UBAC2: variants seen among roughly 807,000 people sequenced by gnomAD.
UBAC2 encodes the protein ubiquitin-associated domain-containing protein 2.
Under a neutral mutation model 44.0 loss-of-function variants are expected in UBAC2, and 26 were observed. That is an observed-to-expected ratio of 0.59 (90% CI 0.43 to 0.82). The LOEUF is 0.82. UBAC2 is among the 40% of genes least tolerant of loss of function. The pLI is 0.00. For missense variants in UBAC2, 329 were observed against 419.4 expected (o/e 0.78, Z 1.88); for synonymous variants, 155 against 154.3 (o/e 1.00, Z -0.04).
intron 2 of UBAC2, among the ~76,000 whole-genome samples, chr13:99,243,233 C>CTTTTTTTTTTTTTTT (rs773750160): frequency 2.1e-5 from 2 of 94,254 alleles, no homozygotes; most frequent in Admixed American, 2.2e-4. Context: ...TTGAGTAGCT[C>CTTTTTTTTTTTTTTT]TTTTTTTTTT....
chr13:99,291,055 C>T (rs563884643), intron 4 of UBAC2, among the ~76,000 whole-genome samples: 2 of 152,286 alleles, frequency 1.3e-5, no homozygotes, highest in Admixed American at 1.3e-4. Context: ...TGCTCCAAGT[C>T]AGGCCACAGG....
At chr13:99,360,883 C>T (rs912105933) in intron 7 of UBAC2, among the ~76,000 whole-genome samples, 9 of 152,154 alleles carry the variant, frequency 5.9e-5, no homozygotes, top group Non-Finnish European at 8.8e-5. Context: ...GGAGATGGGG[C>T]GCTCTTCGGG....
intron 7 of UBAC2, among the ~76,000 whole-genome samples, chr13:99,348,975 G>T (rs2045035702): frequency 6.6e-6 from 1 of 152,150 alleles, no homozygotes; most frequent in African/African-American, 2.4e-5. Flanking sequence ...AAAAGAAAAA[G>T]AAAAGAAAAG....
intron 7 of UBAC2, among the ~76,000 whole-genome samples, chr13:99,365,190 C>T (rs897402530): frequency 6.6e-6 from 1 of 151,944 alleles, no homozygotes; most frequent in African/African-American, 2.4e-5. Flanking sequence ...TTTATTTGTG[C>T]TCCTTCCTTT....
chr13:99,381,631 T>A (rs2045553403), intron 8 of UBAC2, among the ~76,000 whole-genome samples: 1 of 152,176 alleles, frequency 6.6e-6, no homozygotes, highest in Non-Finnish European at 1.5e-5. Context: ...GGTCCTTAAC[T>A]GGAGGGAACA....
chr13:99,384,202 TCTGA>T (rs1268745943), intron 8 of UBAC2, among the ~76,000 whole-genome samples: 10 of 152,114 alleles, frequency 6.6e-5, no homozygotes, highest in African/African-American at 2.2e-4. Context: ...AATTGGAAAC[TCTGA>T]CTAAGTCCTC....
chr13:99,221,787 A>G (rs562107944), intron 1 of UBAC2, among the ~76,000 whole-genome samples: 1 of 152,140 alleles, frequency 6.6e-6, no homozygotes, highest in Non-Finnish European at 1.5e-5. Flanking sequence ...GTGATCGCCT[A>G]CTTGACAGTG....
chr13:99,229,099 T>G (rs2043144655), intron 1 of UBAC2, among the ~76,000 whole-genome samples: 1 of 152,190 alleles, frequency 6.6e-6, no homozygotes, highest in African/African-American at 2.4e-5. Flanking sequence ...GGCTTTATGG[T>G]GGATGTAGCG....
intron 8 of UBAC2, among the ~76,000 whole-genome samples, chr13:99,379,601 G>T (rs968255174): frequency 6.6e-6 from 1 of 152,102 alleles, no homozygotes; most frequent in Non-Finnish European, 1.5e-5. Flanking sequence ...ATCCATCCTC[G>T]GTACATGATC....
chr13:99,308,339 T>C (rs1393688459), intron 4 of UBAC2, among the ~76,000 whole-genome samples: 1 of 152,204 alleles, frequency 6.6e-6, no homozygotes, highest in Non-Finnish European at 1.5e-5. Context: ...GTATGCTTTG[T>C]AGGCATAGGG....
intron 1 of UBAC2, among the ~76,000 whole-genome samples, chr13:99,206,771 G>GC (rs2042877316): frequency 1.3e-5 from 2 of 152,248 alleles, no homozygotes; most frequent in Non-Finnish European, 2.9e-5. Flanking sequence ...ATCTCCCTAT[G>GC]CTACCTCTAT....
intron 3 of UBAC2, 61 bp downstream of exon 3, chr13:99,244,012 G>T: frequency 7.5e-7 from 1 of 1,327,196 alleles, no homozygotes; most frequent in Non-Finnish European, 1.0e-6. Context: ...TTGTTTAAAT[G>T]GATTTTATTT....
chr13:99,231,460 T>C (rs1813938576), intron 1 of UBAC2: 1 of 139,382 alleles, frequency 7.2e-6, no homozygotes, highest in African/African-American at 2.7e-5. Context: ...TCGTCCAGGC[T>C]GGAGTACAAT....
At chr13:99,202,072 CA>C (rs776251286) in intron 1 of UBAC2, among the ~76,000 whole-genome samples, 23,518 of 71,990 alleles carry the variant, frequency 0.33, 1,376 homozygotes, top group Non-Finnish European at 0.36. Flanking sequence ...GACTCCATCT[CA>C]AAAAAAAAAA....
intron 4 of UBAC2, among the ~76,000 whole-genome samples, chr13:99,245,687 A>G (rs1384258644): frequency 6.6e-6 from 1 of 152,208 alleles, no homozygotes; most frequent in Non-Finnish European, 1.5e-5. Context: ...CTAGAAATAC[A>G]AAAATTAGTT....
intron 4 of UBAC2, chr13:99,312,981 GT>G (rs2044433045): frequency 6.6e-6 from 1 of 151,760 alleles, no homozygotes; most frequent in South Asian, 2.1e-4. Context: ...TTTTGTTTTT[GT>G]TTGTTTGTTT....
At chr13:99,221,752 C>G (rs1229999607) in intron 1 of UBAC2, among the ~76,000 whole-genome samples, 1 of 152,178 alleles carries the variant, frequency 6.6e-6, no homozygotes, top group Non-Finnish European at 1.5e-5. Context: ...GTTCCAGCAC[C>G]TGTCAGAAAC....
chr13:99,222,482 T>C (rs1271112302), intron 1 of UBAC2, among the ~76,000 whole-genome samples: 1 of 152,212 alleles, frequency 6.6e-6, no homozygotes, highest in Non-Finnish European at 1.5e-5. Context: ...TAGTAGTTAC[T>C]AGTTGGTTAT....
At chr13:99,219,819 A>G (rs1173963620) in intron 1 of UBAC2, among the ~76,000 whole-genome samples, 1 of 152,258 alleles carries the variant, frequency 6.6e-6, no homozygotes. Context: ...CATATAGTAC[A>G]TAACTTTATA....
Sources: gnomAD v4.1 joint callset for allele counts (sites outside exome capture counted in the v4.1 genomes callset) on GRCh38, gnomAD v4.1.1 for gene constraint, MANE v1.5 for transcripts, NCBI Gene and HGNC (gene_info 2026-07-23, HGNC 2026-07-21) for gene names.